Variants in ANKS1B observed in about 807,000 individuals in gnomAD.
ANKS1B encodes ankyrin repeat and sterile alpha motif domain containing 1B, also known as ankyrin repeat and sterile alpha motif domain-containing protein 1B.
ANKS1B carries 36 observed loss-of-function variants against 148.3 expected under a neutral mutation model. The ratio of observed to expected loss-of-function variants is 0.24; its 90% confidence interval spans 0.19 to 0.32. The LOEUF (loss-of-function observed/expected upper bound fraction) is 0.32. ANKS1B is among the 10% of genes least tolerant of loss of function. The pLI is 1.00. For synonymous variants in ANKS1B, 542 were observed against 560.8 expected (o/e 0.97, Z 0.47); for missense variants, 1,157 against 1,542.6 (o/e 0.75, Z 4.19).
chr12:99,552,556 T>TTGCATTACTAAA (rs2097231602), intron 9 of ANKS1B, among the ~76,000 whole-genome samples: 1 of 152,252 alleles, frequency 6.6e-6, no homozygotes, highest in Non-Finnish European at 1.5e-5. Flanking sequence ...TCCTGCCACA[T>TTGCATTACTAAA]TGCATTACTA....
chr12:99,553,878 G>C (rs142609181), intron 9 of ANKS1B, among the ~76,000 whole-genome samples: 8 of 152,272 alleles, frequency 5.3e-5, no homozygotes, highest in African/African-American at 1.9e-4. Flanking sequence ...ATGTCTTTAC[G>C]TTAGCTTCAG....
chr12:99,066,631 T>C (rs1025486406), intron 16 of ANKS1B, among the ~76,000 whole-genome samples: 1 of 152,196 alleles, frequency 6.6e-6, no homozygotes, highest in Non-Finnish European at 1.5e-5. Flanking sequence ...CAGAATCACT[T>C]TGACTGCTGT....
intron 2 of ANKS1B, among the ~76,000 whole-genome samples, chr12:99,823,261 T>C (rs373340962): frequency 6.6e-6 from 1 of 152,178 alleles, no homozygotes; most frequent in Non-Finnish European, 1.5e-5. Context: ...TAGTTTCTCT[T>C]GCTGTGCAGA....
At chr12:99,601,518 T>A (rs976211363) in intron 9 of ANKS1B, among the ~76,000 whole-genome samples, 6 of 152,074 alleles carry the variant, frequency 3.9e-5, no homozygotes, top group African/African-American at 1.4e-4. Context: ...TTTGCATATA[T>A]AATTGGCTTT....
chr12:99,394,378 A>G (rs372992137), intron 12 of ANKS1B, among the ~76,000 whole-genome samples: 7 of 152,088 alleles, frequency 4.6e-5, no homozygotes, highest in African/African-American at 7.2e-5. Flanking sequence ...TTTCTCCTCC[A>G]TCGTAACTTA....
At chr12:99,904,877 C>T (rs568173833) in intron 1 of ANKS1B, among the ~76,000 whole-genome samples, 1 of 152,272 alleles carries the variant, frequency 6.6e-6, no homozygotes, top group Non-Finnish European at 1.5e-5. Flanking sequence ...TCTATTGTTA[C>T]AAGTATTTCC....
chr12:99,395,338 T>C (rs2094209387), intron 12 of ANKS1B, among the ~76,000 whole-genome samples: 1 of 152,194 alleles, frequency 6.6e-6, no homozygotes, highest in African/African-American at 2.4e-5. Flanking sequence ...AGTCCTGAAA[T>C]GGCTTATTAG....
chr12:99,469,226 T>C (rs1297078911), intron 10 of ANKS1B, among the ~76,000 whole-genome samples: 1 of 138,164 alleles, frequency 7.2e-6, no homozygotes, highest in Non-Finnish European at 1.5e-5. Flanking sequence ...CACTCATAGG[T>C]GGGAACTGAA....
chr12:99,544,576 C>A (rs2097155834), intron 9 of ANKS1B, among the ~76,000 whole-genome samples: 1 of 152,166 alleles, frequency 6.6e-6, no homozygotes, highest in African/African-American at 2.4e-5. Context: ...TTTAGGACAG[C>A]TTCATTGCCA....
chr12:99,549,932 C>T (rs900187855), intron 9 of ANKS1B, among the ~76,000 whole-genome samples: 1 of 152,230 alleles, frequency 6.6e-6, no homozygotes, highest in Non-Finnish European at 1.5e-5. Flanking sequence ...CTGTCCACCC[C>T]ATTTCACAAC....
intron 14 of ANKS1B, among the ~76,000 whole-genome samples, chr12:99,171,858 G>A (rs1228891710): frequency 6.6e-6 from 1 of 152,166 alleles, no homozygotes; most frequent in Non-Finnish European, 1.5e-5. Flanking sequence ...CAGTCTGTGT[G>A]ACAGCCTTTG....
intron 9 of ANKS1B, among the ~76,000 whole-genome samples, chr12:99,598,708 A>T (rs2097776929): frequency 6.6e-6 from 1 of 152,132 alleles, no homozygotes. Context: ...CCAGACAGAG[A>T]AACAGAGGAG....
At chr12:99,229,303 T>C (rs1361638888) in intron 14 of ANKS1B, among the ~76,000 whole-genome samples, 1 of 151,902 alleles carries the variant, frequency 6.6e-6, no homozygotes, top group African/African-American at 2.4e-5. Context: ...CATCAGGAAT[T>C]AGTGTAATTT....
intron 9 of ANKS1B, among the ~76,000 whole-genome samples, chr12:99,507,182 T>G (rs1349100892): frequency 6.6e-6 from 1 of 151,950 alleles, no homozygotes; most frequent in East Asian, 1.9e-4. Flanking sequence ...AAACTGAGAT[T>G]ACAACGATAA....
At chr12:98,931,485 T>C (rs540854888) in intron 17 of ANKS1B, among the ~76,000 whole-genome samples, 2 of 152,276 alleles carry the variant, frequency 1.3e-5, no homozygotes, top group South Asian at 4.2e-4. Flanking sequence ...TCTATTAGGA[T>C]TATAATTGGG....
At chr12:99,441,711 T>C (rs1429239249) in intron 11 of ANKS1B, among the ~76,000 whole-genome samples, 1 of 151,932 alleles carries the variant, frequency 6.6e-6, no homozygotes, top group Non-Finnish European at 1.5e-5. Context: ...TGTTATAACA[T>C]TTAAGAAAGA....
At chr12:99,565,106 C>T (rs1389864184) in intron 9 of ANKS1B, among the ~76,000 whole-genome samples, 1 of 151,946 alleles carries the variant, frequency 6.6e-6, no homozygotes, top group East Asian at 1.9e-4. Context: ...AAAATTAATC[C>T]CTGTATTATT....
chr12:98,829,259 A>G lies in ANKS1B; in HGVS notation c.2981T>C (p.Ile994Thr). 1 of 1,614,050 alleles carries G rather than the reference A, an allele frequency of 6.2e-7. No homozygotes were observed. Among genetic ancestry groups the G allele is most frequent in the Non-Finnish European group, 8.5e-7 (1 of 1,179,880 alleles). ...TGGSLDVPHI[I>T]MQGDARRRRN... The stretch of plus-strand genomic sequence containing the variant: ...TCTCCTCCTTGCATCGCCCTGCATG[A>G]TAATGTGAGGAACGTCTAGGGAGCC... The change falls in exon 19 of 27, where the codon ATC becomes ACC. Residue 994 changes from isoleucine to threonine, a missense_variant. Around this residue, in one of 6 missense-constraint regions of ANKS1B, gnomAD observed 258 missense variants for 497.0 expected, o/e 0.52. Transcript: ENST00000683438. The surrounding 1 kb of genome is among the most constrained non-coding windows in gnomAD (Gnocchi z 5.2).
At chr12:99,900,739 C>T (rs1467904447) in intron 1 of ANKS1B, among the ~76,000 whole-genome samples, 1 of 152,078 alleles carries the variant, frequency 6.6e-6, no homozygotes, top group Non-Finnish European at 1.5e-5. Flanking sequence ...AGAGGCAGAG[C>T]CAGGATTAGA....
Sources: allele counts gnomAD v4.1 joint callset (sites outside exome capture counted in the v4.1 genomes callset), GRCh38; gene constraint gnomAD v4.1.1; regional missense constraint gnomAD v4.1.1; non-coding constraint Gnocchi (gnomAD v3.1); transcripts MANE v1.5; gene names NCBI Gene and HGNC (gene_info 2026-07-23, HGNC 2026-07-21).